SPATA6L: variants seen among roughly 807,000 people sequenced by gnomAD.
SPATA6L encodes the protein spermatogenesis associated 6-like protein.
Under a neutral mutation model 49.2 loss-of-function variants are expected in SPATA6L, and 68 were observed. The ratio of observed to expected loss-of-function variants is 1.38; its 90% CI spans 1.14 to 1.69. SPATA6L has a LOEUF of 1.69. Ranked by LOEUF, SPATA6L falls within the 40% of genes most tolerant of loss-of-function variation. The pLI is 0.00. For missense variants in SPATA6L, 668 were observed against 464.3 expected (o/e 1.44, Z -4.03); for synonymous variants, 198 against 165.7 (o/e 1.19, Z -1.50).
chr9:4,593,980 A>T (rs1822068733), downstream of SPATA6L, among the ~76,000 whole-genome samples: 1 of 152,152 alleles, frequency 6.6e-6, no homozygotes, highest in Non-Finnish European at 1.5e-5. Context: ...TATGGATTCC[A>T]CTACCATCTC....
intron 11 of SPATA6L, among the ~76,000 whole-genome samples, chr9:4,602,459 G>C (rs958812903): frequency 3.9e-5 from 6 of 152,140 alleles, no homozygotes; most frequent in African/African-American, 1.4e-4. Context: ...GGGGAGCCCT[G>C]GCCATTCCTA....
rs1254567838 is a variant in SPATA6L, at chr9:4,600,023, C to A, written c.*788G>T. Among the ~76,000 whole-genome samples the A allele has an allele frequency of 6.6e-6, 1 of 152,200 alleles. No individual in the cohort carries two copies. The highest frequency in any genetic ancestry group is 2.1e-4 in the South Asian group (1 of 4,828). On this transcript the variant is annotated 3_prime_UTR_variant, in exon 12 of 12. Transcript: ENST00000682582. ...ACACTGTGTAAGCATTTCATAGATG[C>A]ACCTTCCTAACTAACTTTAAAACCT...
intron 9 of SPATA6L, among the ~76,000 whole-genome samples, chr9:4,607,101 A>T (rs991018093): frequency 1.2e-4 from 19 of 152,118 alleles, no homozygotes; most frequent in African/African-American, 4.6e-4. Context: ...AGAAAAAAGA[A>T]TAAAAATAAA....
intron 2 of SPATA6L, among the ~76,000 whole-genome samples, chr9:4,657,523 C>T (rs545287700): frequency 2.1e-4 from 32 of 150,232 alleles, no homozygotes; most frequent in African/African-American, 7.6e-4. Flanking sequence ...AAAATTTGAG[C>T]ACAGAAACTG....
At chr9:4,639,955 A>G (rs1191909301) in intron 3 of SPATA6L, among the ~76,000 whole-genome samples, 1 of 152,272 alleles carries the variant, frequency 6.6e-6, no homozygotes, top group Admixed American at 6.5e-5. Flanking sequence ...ATGGCAAAGA[A>G]GGAATTCAAA....
intron 5 of SPATA6L, chr9:4,626,752 G>T (rs1203074393): frequency 3.0e-6 from 1 of 335,364 alleles, no homozygotes; most frequent in African/African-American, 2.1e-5. Flanking sequence ...AAAATGAATG[G>T]CCAGACAGAT....
chr9:4,615,362 G>A (rs1034398799), intron 9 of SPATA6L, among the ~76,000 whole-genome samples: 1 of 152,178 alleles, frequency 6.6e-6, no homozygotes, highest in African/African-American at 2.4e-5. Context: ...TGGCCTAGCA[G>A]ATTGAGTATC....
intron 3 of SPATA6L, among the ~76,000 whole-genome samples, chr9:4,641,985 C>T (rs182142149): frequency 6.6e-6 from 1 of 152,110 alleles, no homozygotes; most frequent in Non-Finnish European, 1.5e-5. Context: ...CCGGGCTGTA[C>T]CTGAACTCCT....
At chr9:4,627,136 G>A (rs1368719935) in intron 5 of SPATA6L, 3 of 152,246 alleles carry the variant, frequency 2.0e-5, no homozygotes, top group Non-Finnish European at 4.4e-5. Flanking sequence ...CTGAAGCAGA[G>A]GATCTCTTGA....
At chr9:4,616,884 C>A (rs954513865) in intron 9 of SPATA6L, among the ~76,000 whole-genome samples, 1 of 152,074 alleles carries the variant, frequency 6.6e-6, no homozygotes, top group Admixed American at 6.6e-5. Context: ...CGTGCCCAGC[C>A]GGAGCCAGTT....
downstream of SPATA6L, among the ~76,000 whole-genome samples, chr9:4,593,481 G>A (rs1425156295): frequency 6.6e-6 from 1 of 152,008 alleles, no homozygotes; most frequent in Admixed American, 6.6e-5. Context: ...ACCAGGGATG[G>A]GGAGTTGTCA....
In SPATA6L at chr9:4,662,958, A is replaced by T. The variant is rs1398311027; in HGVS notation, c.40-922T>A. 4 of 1,611,486 alleles carry T rather than the reference A, an allele frequency of 2.5e-6. No individual in the cohort carries two copies. The highest frequency in any genetic ancestry group is 3.4e-6 in the Non-Finnish European group (4 of 1,179,760). On this transcript the variant is annotated intron_variant, in intron 1 of 11. Transcript: ENST00000682582. This position sits in a 1 kb window ranked among gnomAD's most constrained non-coding sequence, Gnocchi z 4.9. The stretch of plus-strand genomic sequence containing the variant: ...GGTCCGCAGGCGCCGCCCGGCCCAC[A>T]ACCAGATGGACATGTTTGTCACTCT...
intron 3 of SPATA6L, among the ~76,000 whole-genome samples, chr9:4,638,430 C>A (rs1833280063): frequency 6.6e-6 from 1 of 152,220 alleles, no homozygotes; most frequent in South Asian, 2.1e-4. Flanking sequence ...CCAGGCTGCT[C>A]TGAAACTCCT....
chr9:4,591,770 C>A (rs1455254136), intron 13 of SPATA6L, among the ~76,000 whole-genome samples: 1 of 152,140 alleles, frequency 6.6e-6, no homozygotes, highest in Non-Finnish European at 1.5e-5. Flanking sequence ...CAAATAAGGC[C>A]GACTCAGCCT....
chr9:4,615,936 G>C (rs1218658856), intron 9 of SPATA6L, among the ~76,000 whole-genome samples: 1 of 152,190 alleles, frequency 6.6e-6, no homozygotes, highest in Non-Finnish European at 1.5e-5. Context: ...GCTGTATGCA[G>C]ATGGATCTTT....
chr9:4,635,004 T>C (rs1040363738), intron 4 of SPATA6L, among the ~76,000 whole-genome samples: 2 of 152,228 alleles, frequency 1.3e-5, no homozygotes, highest in Admixed American at 1.3e-4. Flanking sequence ...CAAATCTTAC[T>C]GTTAATCTGC....
intron 3 of SPATA6L, among the ~76,000 whole-genome samples, chr9:4,652,134 T>C (rs1587452457): frequency 6.6e-6 from 1 of 152,158 alleles, no homozygotes; most frequent in South Asian, 2.1e-4. Flanking sequence ...TAAAAATCAA[T>C]TGTGGGCCAG....
At chr9:4,650,866 G>A (rs970317857) in intron 3 of SPATA6L, among the ~76,000 whole-genome samples, 3 of 147,232 alleles carry the variant, frequency 2.0e-5, no homozygotes, top group Non-Finnish European at 3.0e-5. Flanking sequence ...GTGTGTGTGT[G>A]TGTGTGTGTA....
At chr9:4,595,795 C>T (rs769975724), downstream of SPATA6L, among the ~76,000 whole-genome samples, 28 of 152,212 alleles carry the variant, frequency 1.8e-4, no homozygotes, top group East Asian at 3.9e-4. Context: ...CAATATGAGA[C>T]GATTATAAAG....
Sources: allele counts gnomAD v4.1 joint callset (sites outside exome capture counted in the v4.1 genomes callset), GRCh38; gene constraint gnomAD v4.1.1; non-coding constraint Gnocchi (gnomAD v3.1); transcripts MANE v1.5; gene names NCBI Gene and HGNC (gene_info 2026-07-23, HGNC 2026-07-21).